The following CFAP300 variants were observed in gnomAD, a reference collection of about 807,000 sequenced individuals.
CFAP300 encodes cilia and flagella associated protein 300, also known as cilia- and flagella-associated protein 300.
Under a neutral mutation model 33.0 loss-of-function variants are expected in CFAP300, and 32 were observed. That is an observed-to-expected ratio of 0.97 (90% CI 0.73 to 1.30). The LOEUF (loss-of-function observed/expected upper bound fraction) is 1.30. Among genes scored for constraint, CFAP300 ranks in the 50% most tolerant of loss-of-function variants. The pLI, the probability that CFAP300 is intolerant of heterozygous loss-of-function variation, is 0.00. For missense variants in CFAP300, 356 were observed against 318.1 expected (o/e 1.12, Z -0.90); for synonymous variants, 102 against 106.8 (o/e 0.95, Z 0.28).
Position 102,084,418 on chromosome 11 carries a change from G to A in CFAP300, c.*1219G>A. On this transcript the variant is annotated 3_prime_UTR_variant, in exon 7 of 7. Coordinates refer to ENST00000434758, the MANE Select transcript of CFAP300 (RefSeq NM_032930.3). ...CTGGCAATTTGGGTATAGAGCTCAGGAGAAAGAGTATGTTTTACTTCTAAT... is the reference window on the plus strand; with the variant it reads ...CTGGCAATTTGGGTATAGAGCTCAGAAGAAAGAGTATGTTTTACTTCTAAT... The A allele has an allele frequency of 6.6e-6, 1 of 152,192 alleles. No homozygotes were observed. Among genetic ancestry groups the A allele is most frequent in the East Asian group, 1.9e-4 (1 of 5,194 alleles). The allele number at this position is 152,192 out of a possible 1,614,324, so 9.4% of individuals were successfully genotyped here.
intron 4 of CFAP300, among the ~76,000 whole-genome samples, chr11:102,067,088 C>G (rs1942239904): frequency 1.3e-5 from 2 of 152,178 alleles, no homozygotes; most frequent in African/African-American, 2.4e-5. Flanking sequence ...GCTTGTAATT[C>G]CAGCACTTTG....
intron 4 of CFAP300, among the ~76,000 whole-genome samples, chr11:102,075,404 A>G (rs937851317): frequency 4.6e-5 from 7 of 152,186 alleles, no homozygotes; most frequent in African/African-American, 1.7e-4. Context: ...TGAATGGTTC[A>G]AAAAGGAGTA....
At chr11:102,069,499 A>AT (rs1391019649) in intron 4 of CFAP300, among the ~76,000 whole-genome samples, 2 of 152,054 alleles carry the variant, frequency 1.3e-5, no homozygotes, top group South Asian at 2.1e-4. Flanking sequence ...AAATTATTAT[A>AT]TTTTTTTAAA....
rs1347099296 is a variant in CFAP300 at position 102,083,097 on chromosome 11, A to C, written c.702A>C (p.Ser234=). The C allele has an allele frequency of 6.6e-7, 1 of 1,525,882 alleles. No individual in the cohort carries two copies. The highest frequency in any genetic ancestry group is 1.4e-5 in the South Asian group (1 of 73,688). 94.5% of individuals were successfully genotyped at this position (1,525,882 alleles called of 1,614,324 possible). The change falls in exon 7 of 7, where the codon TCA becomes TCC. Residue 234 remains serine, a synonymous_variant. Transcript: ENST00000434758. The part of the protein sequence containing the change: ...AYDSAGMCYP[S]AKNHEQTFSY... ...ATTCTGCTGGTATGTGCTATCCTTC[A>C]GCAAAGAATCATGAACAGACATTTT... is the stretch of plus-strand genomic sequence containing the variant.
chr11:102,068,910 C>G (rs1180682933), intron 4 of CFAP300, among the ~76,000 whole-genome samples: 1 of 152,188 alleles, frequency 6.6e-6, no homozygotes, highest in Non-Finnish European at 1.5e-5. Flanking sequence ...CTGGGTTTCC[C>G]TCCTTTTGGA....
intron 4 of CFAP300, among the ~76,000 whole-genome samples, chr11:102,068,082 A>T (rs548110803): frequency 1.3e-5 from 2 of 152,208 alleles, no homozygotes; most frequent in Non-Finnish European, 2.9e-5. Context: ...TCATCTATAA[A>T]GTAGGCATAA....
At chr11:102,081,844 T>TC (rs1942478242) in intron 6 of CFAP300, among the ~76,000 whole-genome samples, 1 of 141,334 alleles carries the variant, frequency 7.1e-6, no homozygotes, top group Admixed American at 7.5e-5. Context: ...TGAGCCGAGA[T>TC]CATGCCACTG....
rs567466611 is a variant in CFAP300 at position 102,063,406 on chromosome 11, C to T, written c.269-3079C>T. ...GTATTTTGGAAACACATACCTTGTC[C>T]TTCTTCACAGGTTTACAGCTGGAGA... On this transcript the variant is annotated intron_variant, in intron 3 of 6. Coordinates refer to ENST00000434758, the MANE Select transcript of CFAP300 (RefSeq NM_032930.3). 4.5e-4 allele frequency among the ~76,000 whole-genome samples: 69 copies of T among 152,310 alleles called. 1 individual carries two copies. The highest frequency in any genetic ancestry group is 1.6e-3 in the African/African-American group (65 of 41,572).
At chr11:102,083,028 TAAATA>T (rs1396321521) in intron 6 of CFAP300, 38 bp from the exon 7 acceptor site, 4 of 1,038,348 alleles carry the variant, frequency 3.9e-6, no homozygotes, top group East Asian at 8.2e-5. Context: ...TATAAATACA[TAAATA>T]AAATAAAATA....
intron 4 of CFAP300, among the ~76,000 whole-genome samples, chr11:102,067,314 T>C (rs1442966401): frequency 6.6e-6 from 1 of 152,172 alleles, no homozygotes; most frequent in Admixed American, 6.5e-5. Flanking sequence ...GCTGTGATCA[T>C]GCCACTGCAC....
At chr11:102,075,750 T>C in intron 4 of CFAP300, 123 bp from the exon 5 acceptor site, 1 of 683,680 alleles carries the variant, frequency 1.5e-6, no homozygotes, top group Non-Finnish European at 2.4e-6. Flanking sequence ...CTCTCTTCAG[T>C]TGACTCAAGA....
chr11:102,052,514 G>GA (rs934993793), intron 2 of CFAP300, among the ~76,000 whole-genome samples: 1 of 151,816 alleles, frequency 6.6e-6, no homozygotes, highest in Non-Finnish European at 1.5e-5. Context: ...ATACCTTTTT[G>GA]AAAAAAATGT....
At chr11:102,072,591 C>T (rs2135042215) in intron 4 of CFAP300, among the ~76,000 whole-genome samples, 1 of 152,200 alleles carries the variant, frequency 6.6e-6, no homozygotes, top group African/African-American at 2.4e-5. Flanking sequence ...GTGTGAGGTA[C>T]CATGCCTGGC....
rs1237114950 is a variant in CFAP300 at position 102,060,738 on chromosome 11, G to A, written c.268+1783G>A. Among the ~76,000 whole-genome samples, 5 of 151,804 alleles carry A rather than the reference G, an allele frequency of 3.3e-5. No individual in the cohort carries two copies. The East Asian group carries it at 9.6e-4, about 29-fold the overall frequency. Reference sequence around the variant, plus strand: ...TTAAATTAGATTTTTTTTGTTTAGGGGTGTATTTTGGTAAATTACACAAAA... The same window carrying A: ...TTAAATTAGATTTTTTTTGTTTAGGAGTGTATTTTGGTAAATTACACAAAA... On this transcript the variant is annotated intron_variant, in intron 3 of 6. Transcript: ENST00000434758.
At position 102,047,846 on chromosome 11, in the gene CFAP300, T is replaced by G; in HGVS notation, c.142T>G (p.Phe48Val). 6.2e-7 allele frequency: 1 copy of G among 1,614,228 alleles called. No individual in the cohort carries two copies. Among genetic ancestry groups the G allele is most frequent in the Non-Finnish European group, 8.5e-7 (1 of 1,180,042 alleles). The change falls in exon 2 of 7, where the codon TTC (phenylalanine) becomes GTC (valine). Residue 48 changes from phenylalanine to valine, a missense_variant. Phe to Val is a conservative substitution (Grantham distance 50, BLOSUM62 -1). Coordinates refer to ENST00000434758, the MANE Select transcript of CFAP300 (RefSeq NM_032930.3). ...GCTGGGCAGAATCAAGGCGCAGGCG[T>G]TCGGCTTTGACCAGACCTTTCAGTC... ...SMLGRIKAQAFGFDQTFQSYR... is the reference protein window; with the variant it reads ...SMLGRIKAQAVGFDQTFQSYR...
intron 3 of CFAP300, among the ~76,000 whole-genome samples, chr11:102,060,207 A>G (rs1002603238): frequency 2.0e-5 from 3 of 152,086 alleles, no homozygotes; most frequent in East Asian, 3.9e-4. Context: ...CCTGACTGCA[A>G]GTAAATCTGC....
intron 5 of CFAP300, among the ~76,000 whole-genome samples, chr11:102,080,881 G>A (rs552502475): frequency 4.6e-5 from 7 of 152,030 alleles, no homozygotes; most frequent in East Asian, 1.9e-4. Flanking sequence ...TATCTACCCC[G>A]TATGGCTGTT....
Position 102,075,866 on chromosome 11 carries a change from G to T in CFAP300, c.436-7G>T, listed in dbSNP as rs116126510. On this transcript the variant is annotated splice_polypyrimidine_tract_variant and splice_region_variant and intron_variant, in intron 4 of 6. Coordinates refer to ENST00000434758, the MANE Select transcript of CFAP300 (RefSeq NM_032930.3). ...ATGTTACATTAAGATGAATTTTATC[G>T]TCTTAGGTTTTGCTAGTGGAAGACT... The T allele has an allele frequency of 7.6e-6, 12 of 1,584,718 alleles. No homozygotes were observed. Among genetic ancestry groups the T allele is most frequent in the Non-Finnish European group, 1.0e-5 (12 of 1,159,678 alleles).
chr11:102,054,408 A>C (rs1482518572), intron 2 of CFAP300, among the ~76,000 whole-genome samples: 1 of 152,054 alleles, frequency 6.6e-6, no homozygotes, highest in Non-Finnish European at 1.5e-5. Context: ...TGATAGGAGC[A>C]GGAACCAGAT....
Sources: gnomAD v4.1 joint callset for allele counts (sites outside exome capture counted in the v4.1 genomes callset) on GRCh38, gnomAD v4.1.1 for gene constraint, MANE v1.5 for transcripts, NCBI Gene and HGNC (gene_info 2026-07-23, HGNC 2026-07-21) for gene names.